The following PPFIA2 variants were observed in gnomAD, a reference collection of about 807,000 sequenced individuals.
PPFIA2 encodes liprin-alpha-2.
In PPFIA2, 46 loss-of-function variants were observed where a neutral mutation model predicts 175.5. The observed-to-expected ratio is 0.26, with a 90% confidence interval of 0.21 to 0.34. The LOEUF is 0.34. Ranked by LOEUF, PPFIA2 falls within the 10% of genes least tolerant of loss-of-function variation. The probability of loss-of-function intolerance (pLI) is 1.00; values close to 1 mark genes in which losing one functional copy is unlikely to be tolerated. For synonymous variants in PPFIA2, 568 were observed against 511.4 expected (o/e 1.11, Z -1.49); for missense variants, 1,179 against 1,506.1 (o/e 0.78, Z 3.60).
chr12:81,356,475 C>A (rs1483475857), intron 16 of PPFIA2, among the ~76,000 whole-genome samples: 2 of 151,894 alleles, frequency 1.3e-5, no homozygotes, highest in Non-Finnish European at 2.9e-5. Flanking sequence ...TCAACCTGGG[C>A]AAGATGGTGA....
chr12:81,519,245 T>C (rs537402874), intron 4 of PPFIA2, among the ~76,000 whole-genome samples: 2 of 152,324 alleles, frequency 1.3e-5, no homozygotes, highest in African/African-American at 4.8e-5. Flanking sequence ...TAGGTTATAT[T>C]AATATTGTGC....
At chr12:81,373,119 T>C (rs2035574614) in intron 11 of PPFIA2, among the ~76,000 whole-genome samples, 1 of 151,846 alleles carries the variant, frequency 6.6e-6, no homozygotes, top group African/African-American at 2.4e-5. Flanking sequence ...CAAAGGTTAA[T>C]GTGGGGCAGT....
chr12:81,754,252 T>C, intron 2 of PPFIA2, 29 bp from the exon 3 acceptor site: 1 of 1,558,734 alleles, frequency 6.4e-7, no homozygotes, highest in East Asian at 2.3e-5. Flanking sequence ...GAAGGAGTCT[T>C]AGTAAAGAAA....
intron 3 of PPFIA2, among the ~76,000 whole-genome samples, chr12:81,741,430 AT>A (rs1019979426): frequency 6.6e-6 from 1 of 152,128 alleles, no homozygotes; most frequent in Non-Finnish European, 1.5e-5. Flanking sequence ...CTTTGTTTTC[AT>A]TTATTTAGTA....
chr12:81,321,960 G>T (rs2053752068), intron 22 of PPFIA2, among the ~76,000 whole-genome samples: 1 of 152,098 alleles, frequency 6.6e-6, no homozygotes, highest in African/African-American at 2.4e-5. Context: ...TCAGCCTTAG[G>T]AGTAGCTAGG....
intron 4 of PPFIA2, among the ~76,000 whole-genome samples, chr12:81,555,066 C>T (rs1028181434): frequency 2.0e-5 from 3 of 151,958 alleles, no homozygotes; most frequent in African/African-American, 7.2e-5. Context: ...CCTCTAAATA[C>T]GACACACAGT....
intron 6 of PPFIA2, among the ~76,000 whole-genome samples, chr12:81,443,378 C>T (rs780747922): frequency 6.6e-6 from 1 of 151,966 alleles, no homozygotes; most frequent in Admixed American, 6.6e-5. Flanking sequence ...TCCAGTTGTC[C>T]CTGAACTCAC....
At chr12:81,363,487 G>A (rs2031836605) in intron 14 of PPFIA2, among the ~76,000 whole-genome samples, 1 of 151,524 alleles carries the variant, frequency 6.6e-6, no homozygotes, top group Admixed American at 6.6e-5. Context: ...TTAATTAACT[G>A]CTCATGTAAG....
chr12:81,701,940 A>T (rs1398068885), intron 3 of PPFIA2, among the ~76,000 whole-genome samples: 1 of 151,056 alleles, frequency 6.6e-6, no homozygotes, highest in Admixed American at 6.6e-5. Context: ...AAAAAAAGTA[A>T]GAAGAAAGTG....
chr12:81,309,864 G>GAC (rs982154442), intron 22 of PPFIA2, among the ~76,000 whole-genome samples: 17 of 151,526 alleles, frequency 1.1e-4, no homozygotes, highest in African/African-American at 3.4e-4. Context: ...ATACCCCCCT[G>GAC]ACACACACAC....
intron 4 of PPFIA2, among the ~76,000 whole-genome samples, chr12:81,557,523 T>A (rs1040492890): frequency 6.6e-6 from 1 of 152,022 alleles, no homozygotes; most frequent in Non-Finnish European, 1.5e-5. Context: ...TCTTTAAAAC[T>A]GGTCAACCCT....
chr12:81,481,883 T>G (rs2058272316), intron 4 of PPFIA2, among the ~76,000 whole-genome samples: 1 of 152,000 alleles, frequency 6.6e-6, no homozygotes, highest in Non-Finnish European at 1.5e-5. Context: ...AAGCCAAAAT[T>G]GATAAATGGG....
chr12:81,473,999 C>G (rs1265962223), intron 4 of PPFIA2, among the ~76,000 whole-genome samples: 5 of 152,094 alleles, frequency 3.3e-5, no homozygotes, highest in African/African-American at 7.2e-5. Flanking sequence ...TCTTTCTTCT[C>G]ACATTTTTCT....
At chr12:81,576,221 C>A (rs139410408) in intron 4 of PPFIA2, among the ~76,000 whole-genome samples, 117 of 151,768 alleles carry the variant, frequency 7.7e-4, no homozygotes, top group African/African-American at 2.6e-3. Flanking sequence ...AGGCAGGTAG[C>A]AGTACCTATC....
intron 14 of PPFIA2, among the ~76,000 whole-genome samples, chr12:81,365,775 T>C (rs575080980): frequency 1.3e-5 from 2 of 151,902 alleles, no homozygotes; most frequent in African/African-American, 4.8e-5. Flanking sequence ...AAGAATCAGA[T>C]ACTATATTCT....
intron 1 of PPFIA2, among the ~76,000 whole-genome samples, chr12:81,759,021 G>GA (rs1232821951): frequency 6.6e-6 from 1 of 152,064 alleles, no homozygotes; most frequent in Non-Finnish European, 1.5e-5. Flanking sequence ...AAACCTAAAG[G>GA]AAAACGAGTC....
rs1346797834 is a variant in PPFIA2, at chr12:81,259,327, T to TA, written c.*366dup. The TA allele has an allele frequency of 6.2e-6, 3 of 483,924 alleles. No homozygotes were observed. Among genetic ancestry groups the TA allele is most frequent in the South Asian group, 5.4e-5 (3 of 55,332 alleles). 30.0% of individuals were successfully genotyped at this position (483,924 alleles called of 1,614,324 possible). A position where few individuals can be genotyped will look rare whatever the true frequency, so the allele number is the denominator to read the frequency against. ...TATTTATATCCATTTACATAAGACTTACACATTTAAAAAGAAATGCACGGT... is the reference window on the plus strand; with the variant it reads ...TATTTATATCCATTTACATAAGACTTAACACATTTAAAAAGAAATGCACGGT... On this transcript the variant is annotated 3_prime_UTR_variant, in exon 33 of 33. Coordinates refer to ENST00000549396, the MANE Select transcript of PPFIA2 (RefSeq NM_003625.5).
intron 4 of PPFIA2, among the ~76,000 whole-genome samples, chr12:81,567,965 G>C (rs750413242): frequency 2.0e-5 from 3 of 152,176 alleles, no homozygotes; most frequent in Non-Finnish European, 4.4e-5. Context: ...ATAGTCTTGT[G>C]GATGCCTGTG....
chr12:81,624,564 T>C (rs1285427430), intron 4 of PPFIA2, among the ~76,000 whole-genome samples: 1 of 146,430 alleles, frequency 6.8e-6, no homozygotes, highest in Admixed American at 6.9e-5. Flanking sequence ...ATATATATTT[T>C]ATAGTGACCT....
Sources: gnomAD v4.1 joint callset for allele counts (sites outside exome capture counted in the v4.1 genomes callset) on GRCh38, gnomAD v4.1.1 for gene constraint, MANE v1.5 for transcripts, NCBI Gene and HGNC (gene_info 2026-07-23, HGNC 2026-07-21) for gene names.